IMPDH1: variants seen among roughly 807,000 people sequenced by gnomAD.
IMPDH1 encodes the protein inosine monophosphate dehydrogenase 1, also known as inosine-5'-monophosphate dehydrogenase 1.
In IMPDH1, 41 loss-of-function variants were observed where a neutral mutation model predicts 73.5. The observed-to-expected ratio is 0.56, with a 90% CI of 0.43 to 0.72. The LOEUF is 0.72. Among genes scored for constraint, IMPDH1 ranks in the 30% least tolerant of loss-of-function variants. The probability of loss-of-function intolerance (pLI) is 0.00; values close to 1 mark genes in which losing one functional copy is unlikely to be tolerated. For synonymous variants in IMPDH1, 318 were observed against 334.3 expected, an observed-to-expected ratio of 0.95 and a Z score of 0.53; for missense variants, 645 against 824.8, an observed-to-expected ratio of 0.78 and a Z score of 2.67.
intron 4 of IMPDH1, among the ~76,000 whole-genome samples, chr7:128,405,466 T>C (rs1798650897): frequency 6.6e-6 from 1 of 152,122 alleles, no homozygotes; most frequent in Non-Finnish European, 1.5e-5. Flanking sequence ...CTCCCCATAA[T>C]GCCCACATCT....
rs749733116 is a variant in IMPDH1 at position 128,400,115 on chromosome 7, A to C, written c.854T>G (p.Ile285Ser). The change falls in exon 9 of 17, where the codon ATC (isoleucine) becomes AGC (serine). Residue 285 changes from isoleucine (I) to serine (S), a missense_variant. Around this residue, in one of 2 missense-constraint regions of IMPDH1, gnomAD observed 459 missense variants for 638.2 expected, o/e 0.72. Coordinates refer to ENST00000338791, the MANE Select transcript of IMPDH1 (RefSeq NM_000883.4). ...AGVTLKEANE[I>S]LQRSKKGKLP... ...GGTACCTTTCTTGCTACGCTGCAGG[A>C]TCTCATTTGCCTCTTTCAACGTCAC... 4.3e-6 allele frequency: 7 copies of C among 1,613,346 alleles called. No individual in the cohort carries two copies. The highest frequency in any genetic ancestry group is 5.9e-6 in the Non-Finnish European group (7 of 1,179,808).
Position 128,409,275 on chromosome 7 carries a change from G to C in IMPDH1, c.254+14C>G. On this transcript the variant is annotated intron_variant, in intron 3 of 16. Transcript: ENST00000338791. ...AGATCTCAGTGCATGGTGAGGAGGG[G>C]AGAGTGTCCTCACCTAGCCCTGCGA... 6.2e-7 allele frequency: 1 copy of C among 1,606,988 alleles called. No homozygotes were observed.
chr7:128,404,601 C>A (rs184491599), intron 4 of IMPDH1, among the ~76,000 whole-genome samples: 1 of 152,068 alleles, frequency 6.6e-6, no homozygotes, highest in Non-Finnish European at 1.5e-5. Context: ...GCATCCCTAG[C>A]GCAGGAAGGA....
Position 128,394,149 on chromosome 7 carries a change from T to TGCA in IMPDH1, c.1778+126_1778+128dup. ...CCGAAGAGAGGGTGAGGGGCCATCCTGCAGCAGCATCTGTCCCTGCTGCAG... is the reference window on the plus strand; with the variant it reads ...CCGAAGAGAGGGTGAGGGGCCATCCTGCAGCAGCAGCATCTGTCCCTGCTGCAG... On this transcript the variant is annotated intron_variant, in intron 16 of 16. Transcript: ENST00000338791. This position sits in a 1 kb window ranked among gnomAD's most constrained non-coding sequence, Gnocchi z 5.5. The TGCA allele has an allele frequency of 1.3e-6, 1 of 765,660 alleles. No homozygotes were observed. Among genetic ancestry groups the TGCA allele is most frequent in the Non-Finnish European group, 2.3e-6 (1 of 435,222 alleles). The allele number at this position is 765,660 out of a possible 1,614,324, so 47.4% of individuals were successfully genotyped here. A position where few individuals can be genotyped will look rare whatever the true frequency, so the allele number is the denominator to read the frequency against.
intron 3 of IMPDH1, 49 bp downstream of exon 3, chr7:128,409,240 G>T: frequency 6.5e-7 from 1 of 1,527,044 alleles, no homozygotes; most frequent in South Asian, 1.1e-5. Flanking sequence ...AGCTGCACTG[G>T]CAGCCTCTCA....
chr7:128,398,557 C>T lies in IMPDH1; in HGVS notation c.931G>A (p.Asp311Asn), dbSNP rs121912550. 6.2e-7 allele frequency: 1 copy of T among 1,613,108 alleles called. No homozygotes were observed. The highest frequency in any genetic ancestry group is 8.5e-7 in the Non-Finnish European group (1 of 1,179,278). The part of the protein sequence containing the change: ...DELVAIIART[D>N]LKKNRDYPLA... ...GGGTAGTCTCGGTTCTTCTTCAGGT[C>T]GGTGCGGGCGATGATGGCCACCAGC... Residue 311 changes from aspartate to asparagine, a missense_variant, in exon 10 of 17, where the codon GAC (aspartate) becomes AAC (asparagine). Asp to Asn is a conservative substitution (Grantham distance 23). Transcript: ENST00000338791. This position sits in a 1 kb window ranked among gnomAD's most constrained non-coding sequence, Gnocchi z 4.3.
chr7:128,402,795 T>C (rs1008961272), intron 5 of IMPDH1, among the ~76,000 whole-genome samples: 1 of 152,230 alleles, frequency 6.6e-6, no homozygotes, highest in Non-Finnish European at 1.5e-5. Flanking sequence ...ACTACCCATC[T>C]GGGCTTCTCT....
At position 128,398,621 on chromosome 7, in the gene IMPDH1, G is replaced by A. The variant is rs775998643; in HGVS notation, c.875-8C>T. 4 of 1,610,392 alleles carry A rather than the reference G, an allele frequency of 2.5e-6. No individual in the cohort carries two copies. The highest frequency in any genetic ancestry group is 1.7e-5 in the Admixed American group (1 of 59,998). On this transcript the variant is annotated splice_polypyrimidine_tract_variant and splice_region_variant and intron_variant, in intron 9 of 16. Transcript: ENST00000338791. This position sits in a 1 kb window ranked among gnomAD's most constrained non-coding sequence, Gnocchi z 4.3. ...TGACGATAGGCAGCTTCCCTGACAAGGAATGCAGGGGTGAAATGAAGCAGG... is the reference window on the plus strand; with the variant it reads ...TGACGATAGGCAGCTTCCCTGACAAAGAATGCAGGGGTGAAATGAAGCAGG...
chr7:128,405,849 T>G lies in IMPDH1; in HGVS notation c.271A>C (p.Ile91Leu), dbSNP rs1220320041. 6.5e-7 allele frequency: 1 copy of G among 1,535,098 alleles called. No homozygotes were observed. The highest frequency in any genetic ancestry group is 2.5e-5 in the East Asian group (1 of 39,330). ...GGCACGTAGCCGGTGCCGCCGCTGA[T>G]CAGGTAGTCCGCCATGCTGCCGCGA... Reference protein sequence around the residue: ...LRRASMADYLISGGTGYVPED... With the variant: ...LRRASMADYLLSGGTGYVPED... Residue 91 changes from isoleucine to leucine, a missense_variant, in exon 4 of 17, where the codon ATC (isoleucine) becomes CTC (leucine). By Grantham distance (5) the Ile-to-Leu change is conservative. Coordinates refer to ENST00000338791, the MANE Select transcript of IMPDH1 (RefSeq NM_000883.4).
At chr7:128,403,876 C>T (rs1712402840) in intron 4 of IMPDH1, 122 bp from the exon 5 acceptor site, 1 of 838,590 alleles carries the variant, frequency 1.2e-6, no homozygotes. Context: ...AGGCTACAGC[C>T]CCCCATCCCT....
chr7:128,400,622 G>A, intron 7 of IMPDH1, 83 bp from the exon 8 acceptor site: 1 of 1,408,972 alleles, frequency 7.1e-7, no homozygotes, highest in Non-Finnish European at 1.0e-6. Flanking sequence ...AGAGGATGCA[G>A]CTGTGCTGCA....
intron 2 of IMPDH1, 25 bp from the exon 3 acceptor site, chr7:128,409,377 G>A (rs762126957): frequency 1.2e-6 from 2 of 1,614,198 alleles, no homozygotes; most frequent in South Asian, 1.1e-5. Flanking sequence ...CTAAGGAGGG[G>A]TAAGCCAAGT....
Position 128,400,332 on chromosome 7 carries a change from C to A in IMPDH1, c.786+1G>T. 1 of 1,613,404 alleles carries A rather than the reference C, an allele frequency of 6.2e-7. No homozygotes were observed. Among genetic ancestry groups the A allele is most frequent in the Non-Finnish European group, 8.5e-7 (1 of 1,179,582 alleles). Reference sequence around the variant, plus strand: ...CCCTGCTTCCCCTGCCCTGCAGGTACCTCACTGAGGAGGGTGGTGTGGTCC... The same window carrying A: ...CCCTGCTTCCCCTGCCCTGCAGGTAACTCACTGAGGAGGGTGGTGTGGTCC... On this transcript the variant is annotated splice_donor_variant, in intron 8 of 16. Coordinates refer to ENST00000338791, the MANE Select transcript of IMPDH1 (RefSeq NM_000883.4). LOFTEE classifies it high-confidence loss of function.
rs753636717 is a variant in IMPDH1 at position 128,409,348 on chromosome 7, T to C, written c.195A>G (p.Leu65=). The C allele has an allele frequency of 5.9e-5, 96 of 1,614,002 alleles. No individual in the cohort carries two copies. In the East Asian group the frequency reaches 2.0e-3, roughly 33 times the overall value. ...CACCTGCCAGTAAGACCACTGAAGA[T>C]AGTTCTAGGAGGAAACAGCTAAGGA... ...ATHPTTPRSE[L]SSVVLLAGVG... The change falls in exon 3 of 17, where the codon CTA becomes CTG. Residue 65 remains leucine, a synonymous_variant. Coordinates refer to ENST00000338791, the MANE Select transcript of IMPDH1 (RefSeq NM_000883.4).
Position 128,392,953 on chromosome 7 carries a change from A to C in IMPDH1, c.*54T>G. 4 of 1,596,946 alleles carry C rather than the reference A, an allele frequency of 2.5e-6. No individual in the cohort carries two copies. Among genetic ancestry groups the C allele is most frequent in the Non-Finnish European group, 3.4e-6 (4 of 1,164,548 alleles). On this transcript the variant is annotated 3_prime_UTR_variant, in exon 17 of 17. Coordinates refer to ENST00000338791, the MANE Select transcript of IMPDH1 (RefSeq NM_000883.4). ...TCAGTTATGGAGGGAGGCTGTGCCC[A>C]AAAGTGGACACTGGGGTGCATCCCC...
In IMPDH1 at chr7:128,394,426, G is replaced by A. The variant is rs761844432; in HGVS notation, c.1694+30C>T. 1.6e-5 allele frequency: 26 copies of A among 1,613,880 alleles called. No individual in the cohort carries two copies. The highest frequency in any genetic ancestry group is 9.3e-5 in the African/African-American group (7 of 74,906). ...GGTGGAGAAGAGCGAGAGAAAGGAA[G>A]CAGGAGCCACCCCCAGTCTCAGCAC... On this transcript the variant is annotated intron_variant, in intron 15 of 16. Transcript: ENST00000338791. The surrounding 1 kb of genome is among the most constrained non-coding windows in gnomAD (Gnocchi z 5.5).
intron 4 of IMPDH1, 87 bp from the exon 5 acceptor site, chr7:128,403,841 G>C: frequency 8.3e-7 from 1 of 1,207,532 alleles, no homozygotes; most frequent in Non-Finnish European, 1.2e-6. Flanking sequence ...GCAGCAGGGG[G>C]GTACAGAAAA....
chr7:128,398,269 T>C lies in IMPDH1; in HGVS notation c.1074+145A>G. 1.5e-6 allele frequency: 1 copy of C among 670,764 alleles called. No individual in the cohort carries two copies. Among genetic ancestry groups the C allele is most frequent in the Non-Finnish European group, 2.6e-6 (1 of 384,368 alleles). 41.6% of individuals were successfully genotyped at this position (670,764 alleles called of 1,614,324 possible). On this transcript the variant is annotated intron_variant, in intron 10 of 16. Coordinates refer to ENST00000338791, the MANE Select transcript of IMPDH1 (RefSeq NM_000883.4). This position sits in a 1 kb window ranked among gnomAD's most constrained non-coding sequence, Gnocchi z 4.3. ...AATCCTGCTGCCACCCTCCTAATTC[T>C]GACACCAGGGAGCACTCAGAAAGAG... is the stretch of plus-strand genomic sequence containing the variant.
intron 16 of IMPDH1, 24 bp from the exon 17 acceptor site, chr7:128,393,052 G>A: frequency 1.2e-6 from 2 of 1,613,702 alleles, no homozygotes; most frequent in South Asian, 1.1e-5. Flanking sequence ...GCAAGAGGGG[G>A]AACAAGAGTG....
Sources: allele counts gnomAD v4.1 joint callset (sites outside exome capture counted in the v4.1 genomes callset), GRCh38; gene constraint gnomAD v4.1.1; regional missense constraint gnomAD v4.1.1; non-coding constraint Gnocchi (gnomAD v3.1); transcripts MANE v1.5; gene names NCBI Gene and HGNC (gene_info 2026-07-23, HGNC 2026-07-21).